MAP3K13: variants seen among roughly 807,000 people sequenced by gnomAD.
MAP3K13 encodes leucine zipper-bearing kinase.
MAP3K13 carries 52 observed loss-of-function variants against 104.0 expected under a neutral mutation model. The observed-to-expected ratio is 0.50, with a 90% CI of 0.40 to 0.63. The LOEUF (loss-of-function observed/expected upper bound fraction) is 0.63, where lower values mean the gene tolerates loss of function less well. MAP3K13 is among the 20% of genes least tolerant of loss of function. The pLI is 0.00. For synonymous variants in MAP3K13, 394 were observed against 442.2 expected (o/e 0.89, Z 1.37); for missense variants, 914 against 1,218.5 (o/e 0.75, Z 3.72).
intron 2 of MAP3K13, among the ~76,000 whole-genome samples, chr3:185,329,902 T>TTC (rs1373567616): frequency 6.7e-6 from 1 of 148,718 alleles, no homozygotes; most frequent in East Asian, 2.0e-4. Flanking sequence ...CCTTTTTTTT[T>TTC]TTTTTTTTTT....
At chr3:185,461,147 G>A (rs1418317375) in intron 7 of MAP3K13, among the ~76,000 whole-genome samples, 2 of 152,092 alleles carry the variant, frequency 1.3e-5, no homozygotes, top group African/African-American at 2.4e-5. Context: ...CCAAACTTTC[G>A]TTTACAGCTT....
Position 185,480,344 on chromosome 3 carries a change from G to A in MAP3K13, c.2614G>A (p.Glu872Lys), listed in dbSNP as rs763283780. 1 of 1,614,218 alleles carries A rather than the reference G, an allele frequency of 6.2e-7. No individual in the cohort carries two copies. The highest frequency in any genetic ancestry group is 2.2e-5 in the East Asian group (1 of 44,882). Residue 872 changes from glutamate (E) to lysine (K), a missense_variant, in exon 13 of 14, where the codon GAG (glutamate) becomes AAG (lysine). Transcript: ENST00000265026. Reference sequence around the variant, plus strand: ...CAGTGACCACTCAAACAGTCCTGATGAGTTAGCTGATAAACTTGAAGACCG... The same window carrying A: ...CAGTGACCACTCAAACAGTCCTGATAAGTTAGCTGATAAACTTGAAGACCG... ...NTSDHSNSPD[E>K]LADKLEDRLA...
At chr3:185,346,119 A>C (rs1328544817) in intron 2 of MAP3K13, among the ~76,000 whole-genome samples, 1 of 152,226 alleles carries the variant, frequency 6.6e-6, no homozygotes, top group African/African-American at 2.4e-5. Flanking sequence ...TCCTGAACTT[A>C]TTCCTTCTAA....
intron 12 of MAP3K13, 116 bp downstream of exon 12, chr3:185,477,512 C>A (rs1399934679): frequency 1.4e-6 from 1 of 734,290 alleles, no homozygotes; most frequent in African/African-American, 1.8e-5. Context: ...TTATAGGGAA[C>A]TTTGAACTCA....
chr3:185,314,701 C>T (rs1340386073), intron 2 of MAP3K13, among the ~76,000 whole-genome samples: 3 of 152,104 alleles, frequency 2.0e-5, no homozygotes, highest in Admixed American at 1.3e-4. Context: ...CTCATTGTAA[C>T]CTAGAACTTC....
At chr3:185,460,977 G>T in intron 7 of MAP3K13, among the ~76,000 whole-genome samples, 1 of 152,114 alleles carries the variant, frequency 6.6e-6, no homozygotes, top group South Asian at 2.1e-4. Context: ...TGACAGTTTT[G>T]CACAAAAGAG....
chr3:185,317,965 G>GAA (rs528138539), intron 2 of MAP3K13, among the ~76,000 whole-genome samples: 1 of 130,992 alleles, frequency 7.6e-6, no homozygotes. Flanking sequence ...AAACTTTAAA[G>GAA]AAAAAAAAAA....
chr3:185,347,049 C>T (rs1255796909), intron 2 of MAP3K13, among the ~76,000 whole-genome samples: 3 of 145,268 alleles, frequency 2.1e-5, no homozygotes, highest in Non-Finnish European at 4.4e-5. Context: ...TGCAGTGGCG[C>T]AATCTCGGCT....
At position 185,482,488 on chromosome 3, in the gene MAP3K13, C is replaced by A; in HGVS notation, c.*32C>A. ...AATACACATCCTGAAGATCTCGTGA[C>A]TATACTGGCATTTCAGATCCACCCC... On this transcript the variant is annotated 3_prime_UTR_variant, in exon 14 of 14. Transcript: ENST00000265026. This position sits in a 1 kb window ranked among gnomAD's most constrained non-coding sequence, Gnocchi z 4.5. The A allele has an allele frequency of 6.6e-7, 1 of 1,508,178 alleles. No individual in the cohort carries two copies. Among genetic ancestry groups the A allele is most frequent in the Non-Finnish European group, 9.2e-7 (1 of 1,084,644 alleles). 93.4% of individuals were successfully genotyped at this position (1,508,178 alleles called of 1,614,324 possible).
At chr3:185,387,480 A>C (rs965151272) in intron 1 of MAP3K13, among the ~76,000 whole-genome samples, 1 of 152,180 alleles carries the variant, frequency 6.6e-6, no homozygotes, top group African/African-American at 2.4e-5. Context: ...TTGAGGCATC[A>C]GAATCAGGAG....
intron 7 of MAP3K13, among the ~76,000 whole-genome samples, chr3:185,455,563 A>ATATATATGACATATTTATCATATATAT (rs1217413167): frequency 5.4e-5 from 1 of 18,358 alleles, no homozygotes; most frequent in Non-Finnish European, 1.3e-4. Context: ...GATATATATG[A>ATATATATGACATATTTATCATATATAT]GATATATATG....
At chr3:185,307,987 T>C (rs902472348) in intron 2 of MAP3K13, among the ~76,000 whole-genome samples, 2 of 150,260 alleles carry the variant, frequency 1.3e-5, no homozygotes, top group Non-Finnish European at 3.0e-5. Context: ...TGGTGATTCA[T>C]AGACTTTCAT....
chr3:185,366,571 A>C (rs1261814696), intron 1 of MAP3K13, among the ~76,000 whole-genome samples: 1 of 152,218 alleles, frequency 6.6e-6, no homozygotes, highest in Non-Finnish European at 1.5e-5. Flanking sequence ...ATGAGGGTCC[A>C]GTTTCAGCAC....
intron 2 of MAP3K13, among the ~76,000 whole-genome samples, chr3:185,318,434 A>G (rs1721751986): frequency 6.6e-6 from 1 of 152,272 alleles, no homozygotes; most frequent in African/African-American, 2.4e-5. Flanking sequence ...TGTGAGGTCT[A>G]GATACACAGT....
intron 2 of MAP3K13, among the ~76,000 whole-genome samples, chr3:185,295,967 C>G (rs7431197): frequency 0.8 from 121,198 of 152,208 alleles, 48,525 homozygotes; most frequent in Non-Finnish European, 0.84. Context: ...TCTTGACTGA[C>G]TGCAGTGCTC....
chr3:185,370,309 C>T (rs1038607220), intron 1 of MAP3K13, among the ~76,000 whole-genome samples: 13 of 152,134 alleles, frequency 8.5e-5, no homozygotes, highest in Non-Finnish European at 1.8e-4. Flanking sequence ...ATTCTCCTGC[C>T]ACAGCCTCCT....
chr3:185,409,333 A>G (rs1208529005), intron 1 of MAP3K13, among the ~76,000 whole-genome samples: 1 of 152,132 alleles, frequency 6.6e-6, no homozygotes, highest in Non-Finnish European at 1.5e-5. Context: ...ACACCACTGC[A>G]CTCCAGCCTG....
chr3:185,455,180 GAT>G (rs1257920327), intron 7 of MAP3K13, among the ~76,000 whole-genome samples: 4 of 68,166 alleles, frequency 5.9e-5, no homozygotes, highest in African/African-American at 1.5e-4. Context: ...AGATATATAT[GAT>G]ATATATGAGA....
At chr3:185,456,191 C>G (rs192494767) in intron 7 of MAP3K13, among the ~76,000 whole-genome samples, 1 of 151,888 alleles carries the variant, frequency 6.6e-6, no homozygotes, top group Admixed American at 6.6e-5. Context: ...ATCAGAGACT[C>G]CTGTCCTGTT....
Sources: allele counts gnomAD v4.1 joint callset (sites outside exome capture counted in the v4.1 genomes callset), GRCh38; gene constraint gnomAD v4.1.1; non-coding constraint Gnocchi (gnomAD v3.1); transcripts MANE v1.5; gene names NCBI Gene and HGNC (gene_info 2026-07-23, HGNC 2026-07-21).